The following BUB1 variants were observed in gnomAD, a reference collection of about 807,000 sequenced individuals.
BUB1 encodes the protein mitotic checkpoint serine/threonine-protein kinase BUB1.
Under a neutral mutation model 135.2 loss-of-function variants are expected in BUB1, and 84 were observed. The observed-to-expected ratio is 0.62, with a 90% CI of 0.52 to 0.74. The LOEUF is 0.74. Among genes scored for constraint, BUB1 ranks in the 30% least tolerant of loss-of-function variants. The pLI, the probability that BUB1 is intolerant of heterozygous loss-of-function variation, is 0.00. For synonymous variants in BUB1, 403 were observed against 434.4 expected (o/e 0.93, Z 0.90); for missense variants, 1,162 against 1,288.3 (o/e 0.90, Z 1.50).
At chr2:110,658,389 T>A in intron 13 of BUB1, 21 bp downstream of exon 13, 1 of 1,575,408 alleles carries the variant, frequency 6.3e-7, no homozygotes, top group Non-Finnish European at 8.7e-7. Flanking sequence ...ATGCACTTAG[T>A]AGCTTTTAAA....
intron 1 of BUB1, among the ~76,000 whole-genome samples, chr2:110,677,610 C>CT (rs1446231427): frequency 2.6e-5 from 4 of 152,122 alleles, no homozygotes; most frequent in Non-Finnish European, 5.9e-5. Flanking sequence ...AAATACGTGA[C>CT]TTTGAAAACG....
Position 110,667,781 on chromosome 2 carries a change from C to T in BUB1, c.620+16G>A, listed in dbSNP as rs1690300974. 6.2e-7 allele frequency: 1 copy of T among 1,612,268 alleles called. No individual in the cohort carries two copies. The highest frequency in any genetic ancestry group is 8.5e-7 in the Non-Finnish European group (1 of 1,179,144). ...AAAGGAAACTAATAATAGATTAATG[C>T]ACTGATTATACTTGCATATTTGACT... is the stretch of plus-strand genomic sequence containing the variant. On this transcript the variant is annotated intron_variant, in intron 7 of 24. Coordinates refer to ENST00000302759, the MANE Select transcript of BUB1 (RefSeq NM_004336.5).
chr2:110,645,930 A>G (rs1689634461), intron 19 of BUB1, among the ~76,000 whole-genome samples: 1 of 152,072 alleles, frequency 6.6e-6, no homozygotes, highest in Non-Finnish European at 1.5e-5. Flanking sequence ...GCCTAACAAG[A>G]GAGTGTCAAA....
intron 23 of BUB1, 135 bp downstream of exon 23, chr2:110,640,899 G>T: frequency 1.3e-6 from 1 of 759,308 alleles, no homozygotes; most frequent in Non-Finnish European, 2.0e-6. Flanking sequence ...CTGCCATGTT[G>T]GCCTTAGGCT....
In BUB1 at chr2:110,666,047, C is replaced by T. The variant is rs576476015; in HGVS notation, c.957+216G>A. 3.2e-5 allele frequency: 13 copies of T among 402,728 alleles called. No individual in the cohort carries two copies. The South Asian group carries it at 1.6e-3, about 50-fold the overall frequency. The allele number at this position is 402,728 out of a possible 1,614,324, so 24.9% of individuals were successfully genotyped here. A position where few individuals can be genotyped will look rare whatever the true frequency, so the allele number is the denominator to read the frequency against. On this transcript the variant is annotated intron_variant, in intron 9 of 24. Transcript: ENST00000302759. ...ATACATGAATATATAGACATGTACA[C>T]ATACACAAACATGTAAAACATACTA...
rs1467057889 is a variant in BUB1, at chr2:110,657,062, C to A, written c.1672G>T (p.Val558Phe). ...TTTGGTTTTGAAGGAAGTCTGCTGACAGAGCGTTCTCCAAAGGTCCTGGCT... is the reference window on the plus strand; with the variant it reads ...TTTGGTTTTGAAGGAAGTCTGCTGAAAGAGCGTTCTCCAAAGGTCCTGGCT... ...TGARTFGERS[V>F]SRLPSKPKEE... The change falls in exon 15 of 25, where the codon GTC becomes TTC. Residue 558 changes from valine to phenylalanine, a missense_variant. Coordinates refer to ENST00000302759, the MANE Select transcript of BUB1 (RefSeq NM_004336.5). The A allele has an allele frequency of 6.2e-7, 1 of 1,613,240 alleles. No homozygotes were observed. The highest frequency in any genetic ancestry group is 8.5e-7 in the Non-Finnish European group (1 of 1,179,526).
chr2:110,664,211 A>C (rs1422936812), intron 9 of BUB1, among the ~76,000 whole-genome samples: 2 of 152,164 alleles, frequency 1.3e-5, no homozygotes, highest in Non-Finnish European at 2.9e-5. Flanking sequence ...AATATATATC[A>C]AGAAAATTCC....
intron 21 of BUB1, 76 bp downstream of exon 21, chr2:110,641,566 C>A (rs1171909881): frequency 5.1e-6 from 8 of 1,559,340 alleles, no homozygotes; most frequent in African/African-American, 1.4e-5. Flanking sequence ...AAAGCCCCAA[C>A]CACAAAAGTA....
intron 19 of BUB1, among the ~76,000 whole-genome samples, chr2:110,644,338 A>G (rs1446234516): frequency 6.6e-6 from 1 of 151,766 alleles, no homozygotes; most frequent in African/African-American, 2.4e-5. Context: ...TTAGCCGGGT[A>G]TGGTGGTGGG....
chr2:110,643,515 G>A (rs1221727137), intron 19 of BUB1, among the ~76,000 whole-genome samples: 1 of 152,078 alleles, frequency 6.6e-6, no homozygotes, highest in Non-Finnish European at 1.5e-5. Context: ...CATATATTAG[G>A]TCTGGCTCTT....
chr2:110,662,004 C>T, intron 9 of BUB1, 163 bp from the exon 10 acceptor site: 1 of 812,988 alleles, frequency 1.2e-6, no homozygotes, highest in Non-Finnish European at 1.9e-6. Context: ...AATGTACAGT[C>T]AACAACAAAA....
chr2:110,665,458 G>A (rs1690219410), intron 9 of BUB1, among the ~76,000 whole-genome samples: 1 of 151,966 alleles, frequency 6.6e-6, no homozygotes, highest in African/African-American at 2.4e-5. Flanking sequence ...GCACATGCCT[G>A]TGGTTGCAGC....
intron 11 of BUB1, among the ~76,000 whole-genome samples, chr2:110,659,306 C>G (rs1460273317): frequency 6.6e-6 from 1 of 152,206 alleles, no homozygotes; most frequent in Non-Finnish European, 1.5e-5. Flanking sequence ...TGGTAGCTCC[C>G]TAACTTTAGC....
intron 2 of BUB1, 27 bp downstream of exon 2, chr2:110,674,279 A>C (rs1222327687): frequency 1.2e-6 from 2 of 1,613,606 alleles, no homozygotes; most frequent in African/African-American, 2.7e-5. Flanking sequence ...AGTTTGTTTA[A>C]GGGAAATAAA....
rs920664972 is a variant in BUB1 at position 110,648,401 on chromosome 2, G to A, written c.2347+833C>T. Among the ~76,000 whole-genome samples the A allele has an allele frequency of 6.6e-6, 1 of 152,162 alleles. No homozygotes were observed. Among genetic ancestry groups the A allele is most frequent in the Non-Finnish European group, 1.5e-5 (1 of 68,030 alleles). ...CCAGGCGTTGGGGGACAAGGAGGAA[G>A]GGATGAATAGGTGAGGCACAGGGGA... On this transcript the variant is annotated intron_variant, in intron 19 of 24. Coordinates refer to ENST00000302759, the MANE Select transcript of BUB1 (RefSeq NM_004336.5). This position sits in a 1 kb window ranked among gnomAD's most constrained non-coding sequence, Gnocchi z 4.2.
chr2:110,672,762 C>T lies in BUB1; in HGVS notation c.321G>A (p.Gly107=), dbSNP rs781723489. The part of the protein sequence containing the change: ...LSSPLYIAWA[G]HLEAQGELQH... The stretch of plus-strand genomic sequence containing the variant: ...GCAGCTCTCCTTGGGCTTCCAGATG[C>T]CCCGCCCAGGCAATGTACAGAGGGG... The change falls in exon 4 of 25, where the codon GGG becomes GGA. Residue 107 remains glycine, a synonymous_variant. Transcript: ENST00000302759. 3 of 1,614,004 alleles carry T rather than the reference C, an allele frequency of 1.9e-6. No individual in the cohort carries two copies. The highest frequency in any genetic ancestry group is 2.7e-5 in the African/African-American group (2 of 74,922).
intron 18 of BUB1, among the ~76,000 whole-genome samples, chr2:110,649,777 T>A (rs1689733316): frequency 6.6e-6 from 1 of 152,172 alleles, no homozygotes; most frequent in South Asian, 2.1e-4. Flanking sequence ...TCCACTTATA[T>A]CCACAAAACT....
chr2:110,657,161 G>A (rs1422790861), intron 14 of BUB1, 44 bp from the exon 15 acceptor site: 2 of 1,499,444 alleles, frequency 1.3e-6, no homozygotes, highest in South Asian at 1.2e-5. Flanking sequence ...AATATGCTAA[G>A]GAAATAAATG....
chr2:110,667,826 T>C lies in BUB1; in HGVS notation c.591A>G (p.Ile197Met), dbSNP rs928108295. The C allele has an allele frequency of 1.2e-6, 2 of 1,613,418 alleles. No homozygotes were observed. Among genetic ancestry groups the C allele is most frequent in the Non-Finnish European group, 1.7e-6 (2 of 1,179,884 alleles). The change falls in exon 7 of 25, where the codon ATA (isoleucine) becomes ATG (methionine). Residue 197 changes from isoleucine to methionine, a missense_variant. Ile to Met is a conservative substitution (Grantham distance 10). Coordinates refer to ENST00000302759, the MANE Select transcript of BUB1 (RefSeq NM_004336.5). ...KNQGSELSGVISSACDKESNM... is the reference protein window; with the variant it reads ...KNQGSELSGVMSSACDKESNM... ...TTGACTCTTTATCACAAGCTGAAGA[T>C]ATCACTCCAGAAAGCTCTGAACCCT...
Sources: allele counts gnomAD v4.1 joint callset (sites outside exome capture counted in the v4.1 genomes callset), GRCh38; gene constraint gnomAD v4.1.1; non-coding constraint Gnocchi (gnomAD v3.1); transcripts MANE v1.5; gene names NCBI Gene and HGNC (gene_info 2026-07-23, HGNC 2026-07-21).